The following PRKN variants were observed in gnomAD, a reference collection of about 807,000 sequenced individuals.
The protein encoded by PRKN is parkin RBR E3 ubiquitin protein ligase, also known as E3 ubiquitin-protein ligase parkin.
PRKN carries 56 observed loss-of-function variants against 59.5 expected under a neutral mutation model. That is an observed-to-expected ratio of 0.94 (90% CI 0.76 to 1.18). The LOEUF (loss-of-function observed/expected upper bound fraction) is 1.18, where lower values mean the gene tolerates loss of function less well. Ranked by LOEUF, PRKN falls within the 50% of genes most tolerant of loss-of-function variation. The pLI is 0.00. For synonymous variants in PRKN, 250 were observed against 222.1 expected (o/e 1.13, Z -1.12); for missense variants, 657 against 596.4 (o/e 1.10, Z -1.06).
chr6:162,388,753 A>C (rs1038717368), intron 2 of PRKN, among the ~76,000 whole-genome samples: 2 of 152,192 alleles, frequency 1.3e-5, no homozygotes, highest in Non-Finnish European at 2.9e-5. Flanking sequence ...TATCTGCATT[A>C]CATGTGCCCA....
chr6:162,534,294 C>T (rs1778630717), intron 1 of PRKN, among the ~76,000 whole-genome samples: 3 of 152,134 alleles, frequency 2.0e-5, no homozygotes, highest in East Asian at 1.9e-4. Context: ...CTCTCCACTT[C>T]CAGAAGCTTC....
At chr6:162,493,588 A>C (rs1198980352) in intron 1 of PRKN, among the ~76,000 whole-genome samples, 2 of 152,258 alleles carry the variant, frequency 1.3e-5, no homozygotes, top group African/African-American at 4.8e-5. Context: ...CTTATAACTA[A>C]GAAGACAGAC....
chr6:161,683,362 T>C (rs1785441496), intron 7 of PRKN, among the ~76,000 whole-genome samples: 1 of 152,242 alleles, frequency 6.6e-6, no homozygotes, highest in South Asian at 2.1e-4. Flanking sequence ...CATTTCATTC[T>C]AATCTGCACT....
chr6:162,554,929 G>T (rs1424535905), intron 1 of PRKN, among the ~76,000 whole-genome samples: 2 of 152,104 alleles, frequency 1.3e-5, no homozygotes, highest in African/African-American at 4.8e-5. Flanking sequence ...TATTTGGGGG[G>T]CTTTATAGAA....
At chr6:161,999,019 A>G (rs946094002) in intron 5 of PRKN, among the ~76,000 whole-genome samples, 1 of 152,128 alleles carries the variant, frequency 6.6e-6, no homozygotes, top group Non-Finnish European at 1.5e-5. Context: ...CTTAACACAC[A>G]AAAACATTTG....
intron 1 of PRKN, among the ~76,000 whole-genome samples, chr6:162,614,357 C>T (rs2155504): frequency 0.19 from 29,596 of 151,916 alleles, 3,523 homozygotes; most frequent in East Asian, 0.47. Flanking sequence ...AGGCAAAGGG[C>T]CACATTGTCT....
chr6:162,351,036 A>G (rs1784603639), intron 2 of PRKN, among the ~76,000 whole-genome samples: 1 of 152,142 alleles, frequency 6.6e-6, no homozygotes, highest in East Asian at 1.9e-4. Flanking sequence ...ATAAAAAAAT[A>G]ATAAAAATCC....
chr6:162,649,530 A>T (rs928890110), intron 1 of PRKN, among the ~76,000 whole-genome samples: 17 of 152,162 alleles, frequency 1.1e-4, no homozygotes, highest in African/African-American at 3.6e-4. Flanking sequence ...TCAAAGGTGT[A>T]TGTCATTAAT....
At chr6:162,484,423 T>G (rs991034731) in intron 1 of PRKN, among the ~76,000 whole-genome samples, 1 of 152,110 alleles carries the variant, frequency 6.6e-6, no homozygotes. Flanking sequence ...GAGTTGATAC[T>G]GTAACTAGAT....
In PRKN at chr6:161,351,080, T is replaced by G. The variant is rs1188821981; in HGVS notation, c.1286-869A>C. On this transcript the variant is annotated intron_variant, in intron 11 of 11. Coordinates refer to ENST00000366898, the MANE Select transcript of PRKN (RefSeq NM_004562.3). ...TATATATTTATATTTAAAATATATATAAATATATTTTTATATATTTATATT... is the reference window on the plus strand; with the variant it reads ...TATATATTTATATTTAAAATATATAGAAATATATTTTTATATATTTATATT... 9.0e-5 allele frequency among the ~76,000 whole-genome samples: 10 copies of G among 111,656 alleles called. No homozygotes were observed. In the East Asian group the frequency reaches 2.4e-3, roughly 26 times the overall value. 73.3% of individuals were successfully genotyped at this position (111,656 alleles called of 152,430 possible).
intron 6 of PRKN, among the ~76,000 whole-genome samples, chr6:161,811,652 G>A (rs1054238562): frequency 9.9e-5 from 15 of 152,222 alleles, no homozygotes; most frequent in African/African-American, 3.6e-4. Flanking sequence ...GCCGGGCACG[G>A]TGGCTCACAC....
rs1287449726 is a variant in PRKN at position 161,480,022 on chromosome 6, C to T, written c.1083+68832G>A. ...TGCTCCCTTCCCTCTGGTGCGGGAT[C>T]ATGGAAGCCCAGGTGAAGGTGAGCC... is the stretch of plus-strand genomic sequence containing the variant. On this transcript the variant is annotated intron_variant, in intron 9 of 11. Coordinates refer to ENST00000366898, the MANE Select transcript of PRKN (RefSeq NM_004562.3). The surrounding 1 kb of genome is among the most constrained non-coding windows in gnomAD (Gnocchi z 4.1). 6.6e-6 allele frequency among the ~76,000 whole-genome samples: 1 copy of T among 152,180 alleles called. No homozygotes were observed. Among genetic ancestry groups the T allele is most frequent in the African/African-American group, 2.4e-5 (1 of 41,458 alleles).
At chr6:161,682,722 G>A (rs1269819834) in intron 7 of PRKN, among the ~76,000 whole-genome samples, 1 of 152,298 alleles carries the variant, frequency 6.6e-6, no homozygotes, top group Non-Finnish European at 1.5e-5. Flanking sequence ...CAACATGGGA[G>A]GGAGCAGAGG....
Position 162,408,234 on chromosome 6 carries a change from G to A in PRKN, c.171+35076C>T, listed in dbSNP as rs148385918. 2.6e-4 allele frequency among the ~76,000 whole-genome samples: 39 copies of A among 151,740 alleles called. 1 individual carries two copies. The East Asian group carries it at 7.0e-3, about 27-fold the overall frequency. On this transcript the variant is annotated intron_variant, in intron 2 of 11. Coordinates refer to ENST00000366898, the MANE Select transcript of PRKN (RefSeq NM_004562.3). ...GTCGGGGTACTTACATAAAGTTGCA[G>A]CAATTATCAGAAAAAGGTAATATGC...
In PRKN at chr6:161,549,077, G is replaced by A. The variant is rs2115427151; in HGVS notation, c.934-74C>T. The A allele has an allele frequency of 5.9e-6, 9 of 1,529,744 alleles. No individual in the cohort carries two copies. Among genetic ancestry groups the A allele is most frequent in the Non-Finnish European group, 7.2e-6 (8 of 1,104,014 alleles). The allele number at this position is 1,529,744 out of a possible 1,614,324, so 94.8% of individuals were successfully genotyped here. A position where few individuals can be genotyped will look rare whatever the true frequency, so the allele number is the denominator to read the frequency against. On this transcript the variant is annotated intron_variant, in intron 8 of 11. Coordinates refer to ENST00000366898, the MANE Select transcript of PRKN (RefSeq NM_004562.3). This position sits in a 1 kb window ranked among gnomAD's most constrained non-coding sequence, Gnocchi z 6.0. ...CAGCCAAAGGGTTAGGAGCTACAGTGCATGGGATTTCTTGCTTAACCAGTT... is the reference window on the plus strand; with the variant it reads ...CAGCCAAAGGGTTAGGAGCTACAGTACATGGGATTTCTTGCTTAACCAGTT...
intron 6 of PRKN, among the ~76,000 whole-genome samples, chr6:161,903,808 T>C (rs529204795): frequency 2.6e-5 from 4 of 152,032 alleles, no homozygotes; most frequent in Non-Finnish European, 4.4e-5. Context: ...TTTTCTTTTT[T>C]TTTTTTTAAT....
At chr6:162,565,371 A>G (rs1780017247) in intron 1 of PRKN, among the ~76,000 whole-genome samples, 1 of 152,186 alleles carries the variant, frequency 6.6e-6, no homozygotes, top group Admixed American at 6.5e-5. Flanking sequence ...AAAATGGAGG[A>G]GTAAGTCCTT....
intron 7 of PRKN, among the ~76,000 whole-genome samples, chr6:161,693,772 T>C (rs762559274): frequency 5.1e-4 from 78 of 152,218 alleles, no homozygotes; most frequent in Non-Finnish European, 1.9e-4. Context: ...CTTTTCATAA[T>C]GGGTGCACAG....
At chr6:162,626,286 T>C (rs969022734) in intron 1 of PRKN, among the ~76,000 whole-genome samples, 2 of 152,192 alleles carry the variant, frequency 1.3e-5, no homozygotes, top group Non-Finnish European at 2.9e-5. Context: ...TGTGTAATGT[T>C]TCCATTTGAA....
Sources: gnomAD v4.1 joint callset for allele counts (sites outside exome capture counted in the v4.1 genomes callset) on GRCh38, gnomAD v4.1.1 for gene constraint, Gnocchi (gnomAD v3.1) non-coding constraint, MANE v1.5 for transcripts, NCBI Gene and HGNC (gene_info 2026-07-23, HGNC 2026-07-21) for gene names.